CIB4: variants seen among roughly 807,000 people sequenced by gnomAD.
CIB4 encodes the protein calcium and integrin-binding family member 4.
CIB4 carries 25 observed loss-of-function variants against 25.8 expected under a neutral mutation model. The ratio of observed to expected loss-of-function variants is 0.97; its 90% CI spans 0.71 to 1.35. The LOEUF is 1.35. Among genes scored for constraint, CIB4 ranks in the 40% most tolerant of loss-of-function variants. The pLI is 0.00. For missense variants in CIB4, 235 were observed against 228.2 expected (o/e 1.03, Z -0.19); for synonymous variants, 75 against 81.4 (o/e 0.92, Z 0.42).
intron 3 of CIB4, among the ~76,000 whole-genome samples, chr2:26,610,414 C>T (rs547917990): frequency 1.2e-4 from 18 of 152,340 alleles, no homozygotes; most frequent in Middle Eastern, 3.4e-3. Flanking sequence ...CTTTAAACAA[C>T]GGAGTCTAAA....
At position 26,614,007 on chromosome 2, in the gene CIB4, C is replaced by T. The variant is rs188983150; in HGVS notation, c.186+15403G>A. ...TGGGAAGCCCTCCAAAGCTGCAGGGCGTCTCCTCCCTGTGGAGGCAGCAGC... is the reference window on the plus strand; with the variant it reads ...TGGGAAGCCCTCCAAAGCTGCAGGGTGTCTCCTCCCTGTGGAGGCAGCAGC... On this transcript the variant is annotated intron_variant, in intron 3 of 6. Coordinates refer to ENST00000288861, the MANE Select transcript of CIB4 (RefSeq NM_001029881.3). 9.8e-5 allele frequency among the ~76,000 whole-genome samples: 15 copies of T among 152,286 alleles called. No homozygotes were observed. The East Asian group carries it at 1.7e-3, about 18-fold the overall frequency.
At chr2:26,635,751 C>CA (rs1194904663) in intron 2 of CIB4, among the ~76,000 whole-genome samples, 2 of 152,166 alleles carry the variant, frequency 1.3e-5, no homozygotes, top group African/African-American at 2.4e-5. Flanking sequence ...CCCAGGGCCC[C>CA]ACCAAGAAGA....
At chr2:26,623,704 C>A in intron 3 of CIB4, 1 of 354,354 alleles carries the variant, frequency 2.8e-6, no homozygotes. Flanking sequence ...CATCTGCCAG[C>A]AGGAAGCCCG....
chr2:26,601,211 C>A (rs1668776486), intron 3 of CIB4, among the ~76,000 whole-genome samples: 2 of 53,018 alleles, frequency 3.8e-5, no homozygotes, highest in South Asian at 6.1e-4. Flanking sequence ...CAGAGTGAGA[C>A]CATGTCAAAA....
intron 3 of CIB4, among the ~76,000 whole-genome samples, chr2:26,597,130 T>C (rs1668696430): frequency 6.6e-6 from 1 of 152,244 alleles, no homozygotes; most frequent in African/African-American, 2.4e-5. Flanking sequence ...GTATCACCTA[T>C]AGAAATGCTT....
At chr2:26,618,531 C>T (rs1476719190) in intron 3 of CIB4, among the ~76,000 whole-genome samples, 1 of 152,180 alleles carries the variant, frequency 6.6e-6, no homozygotes, top group Admixed American at 6.5e-5. Flanking sequence ...AACTCCTGGG[C>T]TCAAGTAATC....
chr2:26,610,418 G>A (rs987536512), intron 3 of CIB4, among the ~76,000 whole-genome samples: 1 of 152,214 alleles, frequency 6.6e-6, no homozygotes, highest in Admixed American at 6.5e-5. Context: ...AAACAACGGA[G>A]TCTAAACCTA....
intron 3 of CIB4, among the ~76,000 whole-genome samples, chr2:26,626,283 C>G (rs550373241): frequency 6.6e-6 from 1 of 151,912 alleles, no homozygotes; most frequent in Non-Finnish European, 1.5e-5. Flanking sequence ...GTGCCCTATC[C>G]CTAGTTCTCT....
intron 3 of CIB4, among the ~76,000 whole-genome samples, chr2:26,598,054 C>T (rs114319797): frequency 0.034 from 5,123 of 152,136 alleles, 146 homozygotes; most frequent in South Asian, 0.12. Context: ...AATACCAACA[C>T]TTTGGCAGGC....
intron 3 of CIB4, among the ~76,000 whole-genome samples, chr2:26,602,625 T>C (rs555470122): frequency 6.6e-6 from 1 of 152,318 alleles, no homozygotes; most frequent in South Asian, 2.1e-4. Context: ...TTAGTATACA[T>C]ACCTATATTT....
In CIB4 at chr2:26,640,653, G is replaced by T. The variant is rs1011982519; in HGVS notation, c.55-86C>A. 2.2e-5 allele frequency: 30 copies of T among 1,394,050 alleles called. No individual in the cohort carries two copies. The Admixed American group carries it at 5.7e-4, about 26-fold the overall frequency. The allele number at this position is 1,394,050 out of a possible 1,614,324, so 86.4% of individuals were successfully genotyped here. A position where few individuals can be genotyped will look rare whatever the true frequency, so the allele number is the denominator to read the frequency against. ...GGAGTGGCGCAATTCAGAGGCTGGG[G>T]AGGAAATGCCCATTCTTTTGCTGCA... On this transcript the variant is annotated intron_variant, in intron 1 of 6. Coordinates refer to ENST00000288861, the MANE Select transcript of CIB4 (RefSeq NM_001029881.3).
Position 26,618,271 on chromosome 2 carries a change from CAAG to C in CIB4, c.186+11136_186+11138del, listed in dbSNP as rs561523615. Among the ~76,000 whole-genome samples, 37 of 152,272 alleles carry C rather than the reference CAAG, an allele frequency of 2.4e-4. No individual in the cohort carries two copies. In the South Asian group the frequency reaches 7.7e-3, roughly 32 times the overall value. On this transcript the variant is annotated intron_variant, in intron 3 of 6. Transcript: ENST00000288861. Reference sequence around the variant, plus strand: ...GAGACCCCTCCAGCCCAGGTCTCTGCAAGAAGAAGCAGGACTGTCTTTCCTTTT... The same window carrying C: ...GAGACCCCTCCAGCCCAGGTCTCTGCAAGAAGCAGGACTGTCTTTCCTTTT...
In CIB4 at chr2:26,587,304, C is replaced by CAAAAAAAA. The variant is rs71399396; in HGVS notation, c.329-3414_329-3407dup. Among the ~76,000 whole-genome samples the CAAAAAAAA allele has an allele frequency of 4.6e-3, 280 of 61,450 alleles. 60 individuals are homozygous for CAAAAAAAA. The East Asian group carries it at 0.067, about 15-fold the overall frequency. 40.3% of individuals were successfully genotyped at this position (61,450 alleles called of 152,430 possible). The stretch of plus-strand genomic sequence containing the variant: ...TGGGCGACAGAGCAAGACTCCGTCT[C>CAAAAAAAA]AAAAAAAAAAAAAAAAAAAAAAAAG... On this transcript the variant is annotated intron_variant, in intron 4 of 6. Coordinates refer to ENST00000288861, the MANE Select transcript of CIB4 (RefSeq NM_001029881.3).
chr2:26,603,026 G>A (rs1668821828), intron 3 of CIB4, among the ~76,000 whole-genome samples: 2 of 147,554 alleles, frequency 1.4e-5, no homozygotes, highest in Non-Finnish European at 3.0e-5. Context: ...CTGTGGCATG[G>A]GCGATAGAGC....
At chr2:26,639,589 T>C (rs1449380379) in intron 2 of CIB4, among the ~76,000 whole-genome samples, 1 of 152,176 alleles carries the variant, frequency 6.6e-6, no homozygotes, top group Non-Finnish European at 1.5e-5. Flanking sequence ...TATTTTTCTA[T>C]ATTTAAAAAA....
chr2:26,634,826 G>A (rs1404888821), intron 2 of CIB4, among the ~76,000 whole-genome samples: 2 of 152,172 alleles, frequency 1.3e-5, no homozygotes, highest in African/African-American at 4.8e-5. Flanking sequence ...GCAGAGGCTG[G>A]AAGCAAAGCT....
chr2:26,641,199 T>G, intron 1 of CIB4, 62 bp downstream of exon 1: 1 of 1,405,778 alleles, frequency 7.1e-7, no homozygotes, highest in African/African-American at 1.4e-5. Flanking sequence ...ATTTTCCCAT[T>G]CATTCCACCT....
At chr2:26,623,035 AT>A (rs1018717280) in intron 3 of CIB4, among the ~76,000 whole-genome samples, 5 of 151,552 alleles carry the variant, frequency 3.3e-5, no homozygotes, top group South Asian at 2.1e-4. Flanking sequence ...ACTAAAAAAA[AT>A]TTTTTTTAAT....
At chr2:26,636,229 A>G (rs2148228276) in intron 2 of CIB4, among the ~76,000 whole-genome samples, 1 of 152,322 alleles carries the variant, frequency 6.6e-6, no homozygotes, top group East Asian at 1.9e-4. Flanking sequence ...TGTTTATAAT[A>G]ATATTATATA....
Sources: allele counts gnomAD v4.1 joint callset (sites outside exome capture counted in the v4.1 genomes callset), GRCh38; gene constraint gnomAD v4.1.1; transcripts MANE v1.5; gene names NCBI Gene and HGNC (gene_info 2026-07-23, HGNC 2026-07-21).